Variants in CNTN5 observed in about 807,000 individuals in gnomAD.
CNTN5 encodes contactin-5.
A neutral mutation model predicts 129.1 loss-of-function variants in CNTN5; 77 were observed. That is an observed-to-expected ratio of 0.60 (90% CI 0.50 to 0.72). The LOEUF (loss-of-function observed/expected upper bound fraction) is 0.72, where lower values mean the gene tolerates loss of function less well. CNTN5 is among the 30% of genes least tolerant of loss of function. The pLI, the probability that CNTN5 is intolerant of heterozygous loss-of-function variation, is 0.00. For synonymous variants in CNTN5, 509 were observed against 465.6 expected (o/e 1.09, Z -1.20); for missense variants, 1,478 against 1,328.8 (o/e 1.11, Z -1.75).
intron 8 of CNTN5, among the ~76,000 whole-genome samples, chr11:99,983,537 C>T (rs1938482292): frequency 6.6e-6 from 1 of 152,114 alleles, no homozygotes; most frequent in South Asian, 2.1e-4. Context: ...TGTTTGCTGT[C>T]CCTTTTTGCT....
At chr11:99,660,200 C>T (rs562735171) in intron 3 of CNTN5, among the ~76,000 whole-genome samples, 9 of 152,108 alleles carry the variant, frequency 5.9e-5, no homozygotes, top group African/African-American at 2.2e-4. Context: ...ATTCTTGGAT[C>T]TCAAAATAAT....
chr11:99,867,798 G>C (rs1948394585), intron 6 of CNTN5, among the ~76,000 whole-genome samples: 1 of 152,172 alleles, frequency 6.6e-6, no homozygotes, highest in East Asian at 1.9e-4. Context: ...GCCTAACATA[G>C]TCAAAGATTT....
chr11:99,157,605 G>A (rs1188853974), intron 1 of CNTN5, among the ~76,000 whole-genome samples: 4 of 152,038 alleles, frequency 2.6e-5, no homozygotes, highest in Non-Finnish European at 4.4e-5. Context: ...TACCTATACT[G>A]GAAATTGGGA....
chr11:99,490,223 A>G (rs550812975), intron 2 of CNTN5, among the ~76,000 whole-genome samples: 2 of 152,312 alleles, frequency 1.3e-5, no homozygotes, highest in Admixed American at 6.5e-5. Context: ...AAATTTGACA[A>G]TTATTCAGAC....
chr11:100,241,977 CA>C lies in CNTN5; in HGVS notation c.2006-13780del, dbSNP rs1391887047. Among the ~76,000 whole-genome samples, 18 of 152,294 alleles carry C rather than the reference CA, an allele frequency of 1.2e-4. No homozygotes were observed. The East Asian group carries it at 3.3e-3, about 28-fold the overall frequency. Reference sequence around the variant, plus strand: ...TCCTACAGCCTTTGAGAGCTTTCATCAAATGTTTGCCTTATCGTTTCAATGG... The same window carrying C: ...TCCTACAGCCTTTGAGAGCTTTCATCAATGTTTGCCTTATCGTTTCAATGG... On this transcript the variant is annotated intron_variant, in intron 16 of 24. Transcript: ENST00000524871.
intron 2 of CNTN5, among the ~76,000 whole-genome samples, chr11:99,375,942 A>G (rs1330154087): frequency 6.6e-6 from 1 of 152,230 alleles, no homozygotes; most frequent in African/African-American, 2.4e-5. Flanking sequence ...CACAAATGGA[A>G]TATCGACTTG....
At chr11:100,292,419 C>T (rs1204119075) in intron 18 of CNTN5, among the ~76,000 whole-genome samples, 4 of 151,996 alleles carry the variant, frequency 2.6e-5, no homozygotes, top group Non-Finnish European at 5.9e-5. Flanking sequence ...AACCATTTCA[C>T]ATTCCTGGGC....
chr11:100,216,230 A>G (rs1949136340), intron 15 of CNTN5, among the ~76,000 whole-genome samples: 2 of 152,200 alleles, frequency 1.3e-5, no homozygotes, highest in South Asian at 2.1e-4. Context: ...ACAGGCAGGT[A>G]TCTGAGTATT....
chr11:100,193,691 GT>G (rs1483886264), intron 15 of CNTN5, 28 bp downstream of exon 15: 5 of 1,584,980 alleles, frequency 3.2e-6, no homozygotes, highest in Admixed American at 3.7e-5. Flanking sequence ...TATTCTTTTA[GT>G]AATGATAACT....
chr11:99,716,609 A>G (rs530398573), intron 3 of CNTN5, among the ~76,000 whole-genome samples: 1 of 152,040 alleles, frequency 6.6e-6, no homozygotes, highest in Non-Finnish European at 1.5e-5. Flanking sequence ...TGTATTCTCT[A>G]TCTCAAACTA....
At chr11:100,027,836 T>A (rs1304204119) in intron 9 of CNTN5, among the ~76,000 whole-genome samples, 1 of 152,202 alleles carries the variant, frequency 6.6e-6, no homozygotes, top group Non-Finnish European at 1.5e-5. Flanking sequence ...TTTAACATAC[T>A]TCAAGGATTA....
chr11:99,236,631 T>C (rs955381706), intron 1 of CNTN5, among the ~76,000 whole-genome samples: 1 of 152,174 alleles, frequency 6.6e-6, no homozygotes, highest in African/African-American at 2.4e-5. Context: ...TTATAATATT[T>C]TTCTCATATA....
intron 10 of CNTN5, among the ~76,000 whole-genome samples, chr11:100,068,345 C>G (rs574678799): frequency 6.6e-6 from 1 of 152,122 alleles, no homozygotes; most frequent in Non-Finnish European, 1.5e-5. Context: ...GCACATGACT[C>G]TTCTTTGAGG....
chr11:99,355,729 T>C (rs1938599648), intron 2 of CNTN5, among the ~76,000 whole-genome samples: 1 of 152,070 alleles, frequency 6.6e-6, no homozygotes. Context: ...ATGTTATGGG[T>C]GACCCAAGTC....
At chr11:99,187,056 C>G (rs1438387423) in intron 1 of CNTN5, among the ~76,000 whole-genome samples, 1 of 151,804 alleles carries the variant, frequency 6.6e-6, no homozygotes, top group African/African-American at 2.4e-5. Context: ...GGCAACTGAA[C>G]AGGAAGTACC....
rs540066011 is a variant in CNTN5 at position 99,187,319 on chromosome 11, C to T, written c.-209-138027C>T. 6.6e-5 allele frequency among the ~76,000 whole-genome samples: 10 copies of T among 151,692 alleles called. No individual in the cohort carries two copies. The South Asian group carries it at 1.9e-3, about 28-fold the overall frequency. On this transcript the variant is annotated intron_variant, in intron 1 of 24. Coordinates refer to ENST00000524871, the MANE Select transcript of CNTN5 (RefSeq NM_014361.4). ...GAGAAGTCTGCGAAATAAAGGAAAG[C>T]AGTGGCACCCTAGATGTATAACCCT...
rs774797660 is a variant in CNTN5 at position 99,382,844 on chromosome 11, A to ATTTTTTTTTTTTTTTTT, written c.-71+57360_-71+57361insTTTTTTTTTTTTTTTTT. Among the ~76,000 whole-genome samples the ATTTTTTTTTTTTTTTTT allele has an allele frequency of 4.8e-4, 33 of 69,390 alleles. 2 individuals are homozygous for ATTTTTTTTTTTTTTTTT. Among genetic ancestry groups the ATTTTTTTTTTTTTTTTT allele is most frequent in the African/African-American group, 1.8e-3 (25 of 13,982 alleles). 45.5% of individuals were successfully genotyped at this position (69,390 alleles called of 152,430 possible). On this transcript the variant is annotated intron_variant, in intron 2 of 24. Coordinates refer to ENST00000524871, the MANE Select transcript of CNTN5 (RefSeq NM_014361.4). ...CACATCTCACTAGTGTCTCTAAATA[A>ATTTTTTTTTTTTTTTTT]CTTTTTTTTTTTTTTTTTTTTTTTT...
chr11:99,291,427 G>A (rs1461600293), intron 1 of CNTN5, among the ~76,000 whole-genome samples: 3 of 151,796 alleles, frequency 2.0e-5, no homozygotes, highest in Admixed American at 2.0e-4. Flanking sequence ...CATTTGCTAT[G>A]CTGTGTCTTA....
At chr11:99,435,753 A>G (rs1943573626) in intron 2 of CNTN5, among the ~76,000 whole-genome samples, 1 of 152,200 alleles carries the variant, frequency 6.6e-6, no homozygotes, top group Admixed American at 6.5e-5. Context: ...TATTTCTTGC[A>G]TAGTGACCTA....
Sources: gnomAD v4.1 joint callset for allele counts (sites outside exome capture counted in the v4.1 genomes callset) on GRCh38, gnomAD v4.1.1 for gene constraint, MANE v1.5 for transcripts, NCBI Gene and HGNC (gene_info 2026-07-23, HGNC 2026-07-21) for gene names.